Variants in ABL1 observed in about 807,000 individuals in gnomAD.
The protein encoded by ABL1 is ABL proto-oncogene 1, non-receptor tyrosine kinase.
A neutral mutation model predicts 94.7 loss-of-function variants in ABL1; 11 were observed. The observed-to-expected ratio is 0.12, with a 90% CI of 0.07 to 0.19. The LOEUF (loss-of-function observed/expected upper bound fraction) is 0.19. ABL1 is among the 10% of genes least tolerant of loss of function. The pLI, the probability that ABL1 is intolerant of heterozygous loss-of-function variation, is 1.00. For missense variants in ABL1, 1,082 were observed against 1,489.4 expected, an observed-to-expected ratio of 0.73 and a Z score of 4.50; for synonymous variants, 656 against 622.4, an observed-to-expected ratio of 1.05 and a Z score of -0.80.
chr9:130,883,182 A>G (rs895296464), intron 10 of ABL1, among the ~76,000 whole-genome samples: 8 of 151,882 alleles, frequency 5.3e-5, no homozygotes, highest in East Asian at 1.9e-4. Flanking sequence ...TAAAGCCATC[A>G]TTGCTGTTAG....
chr9:130,836,062 C>A (rs1830577368), intron 1 of ABL1, among the ~76,000 whole-genome samples: 1 of 152,250 alleles, frequency 6.6e-6, no homozygotes, highest in Non-Finnish European at 1.5e-5. Flanking sequence ...ACCACTCTAC[C>A]ATTTATGGAT....
intron 6 of ABL1, 93 bp from the exon 7 acceptor site, chr9:130,874,775 A>G (rs1831313356): frequency 3.7e-6 from 5 of 1,335,016 alleles, no homozygotes; most frequent in Non-Finnish European, 5.3e-6. Flanking sequence ...CAATCTTTCC[A>G]TTGTCAGCAT....
intron 1 of ABL1, among the ~76,000 whole-genome samples, chr9:130,735,934 C>CATATATATATATATAT (rs71389344): frequency 2.5e-5 from 2 of 80,234 alleles, no homozygotes; most frequent in Admixed American, 1.6e-4. Context: ...CATGTGTGTG[C>CATATATATATATATAT]ATATATATAT....
intron 1 of ABL1, among the ~76,000 whole-genome samples, chr9:130,798,357 A>G (rs1830007527): frequency 6.6e-6 from 1 of 152,210 alleles, no homozygotes. Context: ...ACATTGGACC[A>G]TACTAATTGT....
Position 130,725,238 on chromosome 9 carries a change from AT to A in ABL1, c.136+10786del, listed in dbSNP as rs1177590314. Among the ~76,000 whole-genome samples the A allele has an allele frequency of 5.3e-5, 8 of 151,702 alleles. No homozygotes were observed. The East Asian group carries it at 1.6e-3, about 29-fold the overall frequency. On this transcript the variant is annotated intron_variant, in intron 1 of 10. Transcript: ENST00000372348. ...TGTACCCATTAAAAAATAATATCCCATTTCCCTCTTTCCCCACTTCTTGGTA... is the reference window on the plus strand; with the variant it reads ...TGTACCCATTAAAAAATAATATCCCATTCCCTCTTTCCCCACTTCTTGGTA...
chr9:130,764,473 A>G (rs1832155923), intron 1 of ABL1, among the ~76,000 whole-genome samples: 1 of 152,114 alleles, frequency 6.6e-6, no homozygotes, highest in African/African-American at 2.4e-5. Context: ...TTCTTGTAAC[A>G]ATGTGTTTAG....
intron 1 of ABL1, among the ~76,000 whole-genome samples, chr9:130,727,247 T>G (rs1038036261): frequency 3.3e-5 from 5 of 151,610 alleles, no homozygotes; most frequent in Non-Finnish European, 7.4e-5. Flanking sequence ...TTTTTTTTTT[T>G]GTAGAGACAA....
Position 130,885,021 on chromosome 9 carries a change from G to A in ABL1, c.2731G>A (p.Gly911Arg). The A allele has an allele frequency of 1.2e-6, 2 of 1,611,636 alleles. No individual in the cohort carries two copies. Among genetic ancestry groups the A allele is most frequent in the South Asian group, 2.2e-5 (2 of 90,990 alleles). ...ACCAGCAGCCTCTGCAGGGAAGGCT[G>A]GAGGAAAGCCCTCGCAGAGCCCGAG... ...PPPAASAGKAGGKPSQSPSQE... is the reference protein window; with the variant it reads ...PPPAASAGKARGKPSQSPSQE... The change falls in exon 11 of 11, where the codon GGA becomes AGA. Residue 911 changes from glycine to arginine, a missense_variant. This residue lies in a region of ABL1 where 780 missense variants were observed against 835.8 expected (regional missense o/e 0.93). Transcript: ENST00000318560.
chr9:130,796,283 G>A (rs933183502), intron 1 of ABL1, among the ~76,000 whole-genome samples: 2 of 152,232 alleles, frequency 1.3e-5, no homozygotes, highest in Non-Finnish European at 2.9e-5. Flanking sequence ...AGCATTTTGG[G>A]AGGCCGAGGC....
intron 1 of ABL1, among the ~76,000 whole-genome samples, chr9:130,813,587 A>T (rs1303207733): frequency 6.7e-6 from 1 of 148,514 alleles, no homozygotes; most frequent in Admixed American, 6.7e-5. Context: ...AAAAAAAAAG[A>T]AAGTATGATC....
chr9:130,887,288 T>A lies in ABL1; in HGVS notation c.*1605T>A, dbSNP rs1337618935. Reference sequence around the variant, plus strand: ...CCTCTGGATCGTTTTATGCGGTTCTTACAGCACATCACCTCTTTGCCCCCG... The same window carrying A: ...CCTCTGGATCGTTTTATGCGGTTCTAACAGCACATCACCTCTTTGCCCCCG... On this transcript the variant is annotated 3_prime_UTR_variant, in exon 11 of 11. Transcript: ENST00000318560. The A allele has an allele frequency of 8.6e-6, 2 of 233,132 alleles. No homozygotes were observed. The highest frequency in any genetic ancestry group is 8.5e-6 in the Non-Finnish European group (1 of 118,004). 14.4% of individuals were successfully genotyped at this position (233,132 alleles called of 1,614,324 possible).
intron 4 of ABL1, among the ~76,000 whole-genome samples, chr9:130,865,504 T>C (rs979419803): frequency 2.0e-5 from 3 of 152,176 alleles, no homozygotes; most frequent in East Asian, 3.9e-4. Flanking sequence ...CCCAGCACTT[T>C]GGAAGGCCAA....
intron 1 of ABL1, among the ~76,000 whole-genome samples, chr9:130,839,077 A>ATTT: frequency 6.9e-6 from 1 of 144,038 alleles, no homozygotes; most frequent in African/African-American, 2.6e-5. Flanking sequence ...ACTAATTAAA[A>ATTT]TTTTTTTTTT....
At chr9:130,773,053 G>T (rs1193448851) in intron 1 of ABL1, among the ~76,000 whole-genome samples, 1 of 152,194 alleles carries the variant, frequency 6.6e-6, no homozygotes, top group Non-Finnish European at 1.5e-5. Context: ...GGGTGCAGCG[G>T]CTCACACCTG....
At chr9:130,832,889 C>A (rs1830509254), upstream of ABL1, among the ~76,000 whole-genome samples, 2 of 152,250 alleles carry the variant, frequency 1.3e-5, no homozygotes, top group African/African-American at 4.8e-5. Flanking sequence ...AAAGTATAGG[C>A]CAGGTTTGAT....
At chr9:130,742,256 G>A (rs1317068885) in intron 1 of ABL1, among the ~76,000 whole-genome samples, 4 of 152,144 alleles carry the variant, frequency 2.6e-5, no homozygotes, top group Non-Finnish European at 4.4e-5. Flanking sequence ...AGTGAGTCAC[G>A]TGAGATGCAC....
chr9:130,796,229 T>A (rs752223104), intron 1 of ABL1, among the ~76,000 whole-genome samples: 5 of 151,872 alleles, frequency 3.3e-5, no homozygotes, highest in Non-Finnish European at 5.9e-5. Context: ...TGCAACTCAT[T>A]AAGAACTTTT....
intron 1 of ABL1, among the ~76,000 whole-genome samples, chr9:130,727,869 A>C (rs936178820): frequency 6.6e-6 from 1 of 152,040 alleles, no homozygotes; most frequent in South Asian, 2.1e-4. Flanking sequence ...AGTACACAGA[A>C]GAGAATAATA....
At chr9:130,771,757 T>TTCTTTCTTTC (rs1564285977) in intron 1 of ABL1, among the ~76,000 whole-genome samples, 10 of 143,616 alleles carry the variant, frequency 7.0e-5, no homozygotes, top group African/African-American at 5.1e-5. Flanking sequence ...TCTTTCTTTT[T>TTCTTTCTTTC]TTTTTTTTTT....
Sources: allele counts gnomAD v4.1 joint callset (sites outside exome capture counted in the v4.1 genomes callset), GRCh38; gene constraint gnomAD v4.1.1; regional missense constraint gnomAD v4.1.1; transcripts MANE v1.5; gene names NCBI Gene and HGNC (gene_info 2026-07-23, HGNC 2026-07-21).